CNTNAP2: variants seen among roughly 807,000 people sequenced by gnomAD.
CNTNAP2 encodes the protein contactin-associated protein-like 2.
In CNTNAP2, 98 loss-of-function variants were observed where a neutral mutation model predicts 155.2. The ratio of observed to expected loss-of-function variants is 0.63; its 90% CI spans 0.54 to 0.75. The LOEUF (loss-of-function observed/expected upper bound fraction) is 0.75, where lower values mean the gene tolerates loss of function less well. Among genes scored for constraint, CNTNAP2 ranks in the 30% least tolerant of loss-of-function variants. The pLI is 0.00. For synonymous variants in CNTNAP2, 651 were observed against 631.2 expected (o/e 1.03, Z -0.47); for missense variants, 1,727 against 1,688.1 (o/e 1.02, Z -0.40).
chr7:146,952,429 G>A (rs1797336400), intron 3 of CNTNAP2, among the ~76,000 whole-genome samples: 2 of 151,994 alleles, frequency 1.3e-5, no homozygotes, highest in Admixed American at 1.3e-4. Flanking sequence ...TTCTGGCCAG[G>A]GCAATCAGGC....
At chr7:146,947,188 C>T (rs1293513676) in intron 3 of CNTNAP2, among the ~76,000 whole-genome samples, 2 of 151,562 alleles carry the variant, frequency 1.3e-5, no homozygotes, top group Non-Finnish European at 2.9e-5. Context: ...CCTGCCATCA[C>T]ACCTGGCTAA....
intron 8 of CNTNAP2, among the ~76,000 whole-genome samples, chr7:147,197,879 T>G (rs150419523): frequency 1.2e-4 from 18 of 152,322 alleles, no homozygotes; most frequent in Middle Eastern, 6.8e-3. Context: ...TTTAAAATTG[T>G]CCAAAAATTT....
At chr7:148,247,953 C>T (rs1796302301) in intron 20 of CNTNAP2, among the ~76,000 whole-genome samples, 1 of 151,952 alleles carries the variant, frequency 6.6e-6, no homozygotes, top group Non-Finnish European at 1.5e-5. Context: ...CATGCTCAGC[C>T]TCTTTCTTCA....
At chr7:147,837,647 T>A (rs1798654898) in intron 13 of CNTNAP2, among the ~76,000 whole-genome samples, 1 of 152,174 alleles carries the variant, frequency 6.6e-6, no homozygotes, top group African/African-American at 2.4e-5. Context: ...GCAAGTTAGT[T>A]ACACCCTAGA....
chr7:147,746,795 A>G (rs1483692640), intron 13 of CNTNAP2, among the ~76,000 whole-genome samples: 1 of 152,282 alleles, frequency 6.6e-6, no homozygotes, highest in East Asian at 1.9e-4. Flanking sequence ...TATAGACCAG[A>G]CACATGAAAT....
rs558643210 is a variant in CNTNAP2 at position 147,138,459 on chromosome 7, C to A, written c.1348+5950C>A. 5.3e-5 allele frequency among the ~76,000 whole-genome samples: 8 copies of A among 152,062 alleles called. No individual in the cohort carries two copies. In the South Asian group the frequency reaches 1.7e-3, roughly 31 times the overall value. On this transcript the variant is annotated intron_variant, in intron 8 of 23. Coordinates refer to ENST00000361727, the MANE Select transcript of CNTNAP2 (RefSeq NM_014141.6). ...GAGCCACATGGTACCAAGTAAAAGG[C>A]ATTTGAGTCAATGGTATGTTGCTCC...
chr7:147,282,439 T>C (rs991390485), intron 8 of CNTNAP2, among the ~76,000 whole-genome samples: 2 of 151,902 alleles, frequency 1.3e-5, no homozygotes, highest in Non-Finnish European at 2.9e-5. Context: ...AGAGTGAAGA[T>C]TGAGAATCTT....
At chr7:147,299,557 A>C (rs150548844) in intron 8 of CNTNAP2, among the ~76,000 whole-genome samples, 92 of 152,274 alleles carry the variant, frequency 6.0e-4, no homozygotes, top group Non-Finnish European at 5.7e-4. Context: ...ACACATGCAC[A>C]GTTATTATTT....
At chr7:148,193,453 G>A (rs556916898) in intron 18 of CNTNAP2, among the ~76,000 whole-genome samples, 1 of 152,270 alleles carries the variant, frequency 6.6e-6, no homozygotes, top group East Asian at 1.9e-4. Flanking sequence ...TTCTCTTGAG[G>A]CCAACATTGT....
chr7:146,399,128 G>A (rs1795677497), intron 1 of CNTNAP2, among the ~76,000 whole-genome samples: 1 of 151,962 alleles, frequency 6.6e-6, no homozygotes, highest in African/African-American at 2.4e-5. Context: ...TGTTTACATT[G>A]TAGAATGGAT....
At chr7:146,309,904 C>CA (rs541876067) in intron 1 of CNTNAP2, among the ~76,000 whole-genome samples, 4 of 150,626 alleles carry the variant, frequency 2.7e-5, no homozygotes, top group African/African-American at 9.8e-5. Flanking sequence ...ACAATTTGAA[C>CA]AAAAAAAGGG....
intron 13 of CNTNAP2, among the ~76,000 whole-genome samples, chr7:147,848,291 G>A (rs1798851119): frequency 6.7e-6 from 1 of 148,758 alleles, no homozygotes; most frequent in East Asian, 2.0e-4. Context: ...GTGGGATATA[G>A]TCTCGTGGTG....
intron 17 of CNTNAP2, among the ~76,000 whole-genome samples, chr7:148,165,372 T>C (rs1056207046): frequency 1.3e-5 from 2 of 152,158 alleles, no homozygotes; most frequent in Non-Finnish European, 2.9e-5. Flanking sequence ...TGCAGTCACA[T>C]TGGAGGTTAG....
intron 13 of CNTNAP2, among the ~76,000 whole-genome samples, chr7:147,893,985 A>G (rs1241885516): frequency 9.2e-5 from 14 of 152,198 alleles, no homozygotes; most frequent in Admixed American, 9.2e-4. Context: ...GAAAACAAGA[A>G]AATTCTGGCC....
At chr7:147,463,099 A>G (rs1798053466) in intron 10 of CNTNAP2, among the ~76,000 whole-genome samples, 1 of 152,218 alleles carries the variant, frequency 6.6e-6, no homozygotes, top group Non-Finnish European at 1.5e-5. Flanking sequence ...GTTGACATTT[A>G]TGAGATGAGA....
chr7:147,862,826 A>G (rs1799159964), intron 13 of CNTNAP2, among the ~76,000 whole-genome samples: 1 of 152,188 alleles, frequency 6.6e-6, no homozygotes, highest in Admixed American at 6.6e-5. Flanking sequence ...CTAGGAATTC[A>G]AGCTCAAGTT....
At chr7:147,562,874 T>C (rs1397193674) in intron 12 of CNTNAP2, among the ~76,000 whole-genome samples, 1 of 152,084 alleles carries the variant, frequency 6.6e-6, no homozygotes, top group African/African-American at 2.4e-5. Context: ...AGATTTTCCA[T>C]CAGACACTTG....
chr7:147,304,212 A>T (rs557164080), intron 9 of CNTNAP2, among the ~76,000 whole-genome samples: 2 of 149,292 alleles, frequency 1.3e-5, no homozygotes, highest in African/African-American at 2.5e-5. Flanking sequence ...AATTCTTTTA[A>T]TTTTTTTTTT....
chr7:147,579,471 A>T (rs1663503702), intron 12 of CNTNAP2, among the ~76,000 whole-genome samples: 1 of 152,168 alleles, frequency 6.6e-6, no homozygotes, highest in Non-Finnish European at 1.5e-5. Flanking sequence ...TATGCCAGTG[A>T]TACAGTTGTT....
Sources: gnomAD v4.1 joint callset for allele counts (sites outside exome capture counted in the v4.1 genomes callset) on GRCh38, gnomAD v4.1.1 for gene constraint, MANE v1.5 for transcripts, NCBI Gene and HGNC (gene_info 2026-07-23, HGNC 2026-07-21) for gene names.